Variants in CBFA2T2 observed in about 807,000 individuals in gnomAD.
The protein encoded by CBFA2T2 is CBFA2/RUNX1 partner transcriptional co-repressor 2.
A neutral mutation model predicts 62.2 loss-of-function variants in CBFA2T2; 11 were observed. The observed-to-expected ratio is 0.18, with a 90% CI of 0.11 to 0.29. The LOEUF is 0.29. CBFA2T2 is among the 10% of genes least tolerant of loss of function. The probability of loss-of-function intolerance (pLI) is 1.00; values close to 1 mark genes in which losing one functional copy is unlikely to be tolerated. For missense variants in CBFA2T2, 592 were observed against 774.1 expected (o/e 0.76, Z 2.79); for synonymous variants, 295 against 287.5 (o/e 1.03, Z -0.27).
At chr20:33,505,201 T>C (rs2011381105) in intron 1 of CBFA2T2, among the ~76,000 whole-genome samples, 1 of 152,206 alleles carries the variant, frequency 6.6e-6, no homozygotes. Context: ...ATTCTGTCTC[T>C]CTTTTAAGTA....
chr20:33,578,770 G>A (rs543901250), intron 1 of CBFA2T2, among the ~76,000 whole-genome samples: 2 of 152,302 alleles, frequency 1.3e-5, no homozygotes, highest in African/African-American at 4.8e-5. Flanking sequence ...GTGAATGCTG[G>A]TCAGTCAGGA....
intron 1 of CBFA2T2, among the ~76,000 whole-genome samples, chr20:33,507,385 T>C (rs2011421787): frequency 6.6e-6 from 1 of 152,224 alleles, no homozygotes; most frequent in African/African-American, 2.4e-5. Context: ...TGTGTAAGTA[T>C]GCATGTGTGA....
intron 1 of CBFA2T2, among the ~76,000 whole-genome samples, chr20:33,602,065 G>A (rs569044531): frequency 1.7e-3 from 265 of 152,082 alleles, no homozygotes; most frequent in Non-Finnish European, 1.8e-3. Context: ...CAATTCTCCC[G>A]TCTCAAGGTG....
intron 1 of CBFA2T2, among the ~76,000 whole-genome samples, chr20:33,505,697 CT>C (rs1568789604): frequency 6.6e-6 from 1 of 151,964 alleles, no homozygotes; most frequent in African/African-American, 2.4e-5. Context: ...AGGAGAATTA[CT>C]TGAACCTGGG....
intron 8 of CBFA2T2, among the ~76,000 whole-genome samples, chr20:33,630,694 A>C (rs1675340486): frequency 6.6e-6 from 1 of 152,232 alleles, no homozygotes; most frequent in African/African-American, 2.4e-5. Context: ...GGCATAGCTG[A>C]GTGACAGGCC....
chr20:33,542,408 A>C (rs1337627227), intron 1 of CBFA2T2, among the ~76,000 whole-genome samples: 8 of 152,056 alleles, frequency 5.3e-5, no homozygotes, highest in African/African-American at 1.9e-4. Flanking sequence ...TTGTACCCTC[A>C]GTTTAAGATG....
At chr20:33,606,484 C>G (rs903955418) in intron 1 of CBFA2T2, among the ~76,000 whole-genome samples, 1 of 152,162 alleles carries the variant, frequency 6.6e-6, no homozygotes, top group African/African-American at 2.4e-5. Flanking sequence ...AAGGTTGATT[C>G]CTTCCCGGGG....
At chr20:33,562,392 G>A (rs2013117104) in intron 1 of CBFA2T2, 2 of 985,986 alleles carry the variant, frequency 2.0e-6, no homozygotes, top group Non-Finnish European at 1.2e-6. Flanking sequence ...GAGACTGACT[G>A]TATCTGGGGA....
At position 33,611,176 on chromosome 20, in the gene CBFA2T2, C is replaced by T; in HGVS notation, c.261C>T (p.Ser87=). The T allele has an allele frequency of 1.2e-6, 2 of 1,614,214 alleles. No individual in the cohort carries two copies. Among genetic ancestry groups the T allele is most frequent in the Non-Finnish European group, 1.7e-6 (2 of 1,180,044 alleles). ...AGAGATTCAGCAATGGTCCTGCCTC[C>T]TCCACATCATCTGCACTCACAAATC... ...PPQRFSNGPA[S]STSSALTNQQ... Residue 87 remains serine, a synonymous_variant, in exon 3 of 11, where the codon TCC becomes TCT. Coordinates refer to ENST00000342704, the MANE Select transcript of CBFA2T2 (RefSeq NM_001032999.3).
chr20:33,539,253 AAG>A (rs2012346454), intron 1 of CBFA2T2, among the ~76,000 whole-genome samples: 1 of 152,224 alleles, frequency 6.6e-6, no homozygotes, highest in African/African-American at 2.4e-5. Flanking sequence ...TGTGAATTGA[AAG>A]AGAGAACATA....
intron 1 of CBFA2T2, among the ~76,000 whole-genome samples, chr20:33,556,326 C>T (rs559838789): frequency 6.6e-5 from 10 of 152,134 alleles, no homozygotes; most frequent in African/African-American, 1.7e-4. Flanking sequence ...ATTAATGTTA[C>T]GAATTTCAGG....
chr20:33,541,228 G>A (rs1457028582), intron 1 of CBFA2T2, among the ~76,000 whole-genome samples: 1 of 152,152 alleles, frequency 6.6e-6, no homozygotes, highest in Non-Finnish European at 1.5e-5. Context: ...ACTGAAAGGT[G>A]GTTGTCATGT....
intron 1 of CBFA2T2, among the ~76,000 whole-genome samples, chr20:33,502,704 A>G (rs900490682): frequency 2.0e-5 from 3 of 147,952 alleles, no homozygotes; most frequent in African/African-American, 7.5e-5. Flanking sequence ...TGCCCGGCCT[A>G]GTTTCTGCTC....
intron 3 of CBFA2T2, among the ~76,000 whole-genome samples, chr20:33,615,481 G>T (rs1374453648): frequency 1.3e-5 from 2 of 152,022 alleles, no homozygotes; most frequent in Non-Finnish European, 1.5e-5. Flanking sequence ...TAACTGAAAG[G>T]TCTGTAAAAC....
chr20:33,603,303 TTC>T (rs2015210445), intron 1 of CBFA2T2, among the ~76,000 whole-genome samples: 1 of 152,242 alleles, frequency 6.6e-6, no homozygotes, highest in African/African-American at 2.4e-5. Context: ...TTCATCTGTT[TTC>T]TGTTTTCAGG....
chr20:33,534,957 C>T (rs948512047), intron 1 of CBFA2T2, among the ~76,000 whole-genome samples: 4 of 152,108 alleles, frequency 2.6e-5, no homozygotes, highest in Non-Finnish European at 4.4e-5. Context: ...GATCCAGAGA[C>T]AGGAAGTGAG....
At chr20:33,529,915 G>A (rs1202808309) in intron 1 of CBFA2T2, among the ~76,000 whole-genome samples, 2 of 151,326 alleles carry the variant, frequency 1.3e-5, no homozygotes, top group Non-Finnish European at 2.9e-5. Context: ...CTCCCAAGTA[G>A]CTGGGATTAT....
chr20:33,623,588 T>TGTTG (rs1472492899), intron 5 of CBFA2T2, among the ~76,000 whole-genome samples: 1 of 151,868 alleles, frequency 6.6e-6, no homozygotes, highest in East Asian at 1.9e-4. Flanking sequence ...TTTGTTTGTT[T>TGTTG]GTTTGTTTGT....
Position 33,609,872 on chromosome 20 carries a change from C to T in CBFA2T2, c.179-1222C>T, listed in dbSNP as rs1207327423. Among the ~76,000 whole-genome samples, 7 of 152,062 alleles carry T rather than the reference C, an allele frequency of 4.6e-5. No individual in the cohort carries two copies. The East Asian group carries it at 1.3e-3, about 29-fold the overall frequency. The stretch of plus-strand genomic sequence containing the variant: ...ACATTGCTTATGTCTTAAATTGTTT[C>T]TTATGTTTTTAGATAAAGTTTCACT... On this transcript the variant is annotated intron_variant, in intron 2 of 10. Transcript: ENST00000342704.
Sources: allele counts gnomAD v4.1 joint callset (sites outside exome capture counted in the v4.1 genomes callset), GRCh38; gene constraint gnomAD v4.1.1; transcripts MANE v1.5; gene names NCBI Gene and HGNC (gene_info 2026-07-23, HGNC 2026-07-21).